CD226: variants seen among roughly 807,000 people sequenced by gnomAD.
CD226 encodes the protein CD226 molecule.
CD226 carries 24 observed loss-of-function variants against 34.9 expected under a neutral mutation model. The ratio of observed to expected loss-of-function variants is 0.69; its 90% CI spans 0.50 to 0.97. The LOEUF (loss-of-function observed/expected upper bound fraction) is 0.97, where lower values mean the gene tolerates loss of function less well. CD226 is among the 50% of genes least tolerant of loss of function. The pLI is 0.00. For missense variants in CD226, 397 were observed against 412.7 expected (o/e 0.96, Z 0.33); for synonymous variants, 148 against 147.4 (o/e 1.00, Z -0.03).
intron 2 of CD226, among the ~76,000 whole-genome samples, chr18:69,908,861 A>T (rs2055288767): frequency 6.6e-6 from 1 of 152,192 alleles, no homozygotes; most frequent in African/African-American, 2.4e-5. Flanking sequence ...ATCTTGCATC[A>T]GCTATCTCTT....
chr18:69,910,591 G>A (rs1394630972), intron 2 of CD226, among the ~76,000 whole-genome samples: 1 of 152,170 alleles, frequency 6.6e-6, no homozygotes, highest in Non-Finnish European at 1.5e-5. Context: ...TGGTGGCCTG[G>A]TGGAGGAGAC....
At chr18:69,921,302 T>A (rs1479701097) in intron 2 of CD226, among the ~76,000 whole-genome samples, 2 of 152,088 alleles carry the variant, frequency 1.3e-5, no homozygotes, top group African/African-American at 4.8e-5. Context: ...CACGCCTCCA[T>A]GCCCCGTGCA....
At chr18:69,921,103 A>C (rs1445081356) in intron 2 of CD226, among the ~76,000 whole-genome samples, 3 of 152,072 alleles carry the variant, frequency 2.0e-5, no homozygotes, top group East Asian at 3.9e-4. Context: ...CCCAAATGTA[A>C]ATCTGATCAT....
chr18:69,880,387 G>A (rs1984172308), intron 3 of CD226, among the ~76,000 whole-genome samples: 1 of 141,038 alleles, frequency 7.1e-6, no homozygotes. Context: ...GAAGGGGAAA[G>A]AAAGAAAGAA....
intron 2 of CD226, among the ~76,000 whole-genome samples, chr18:69,914,652 G>A (rs1238128140): frequency 6.6e-6 from 1 of 152,130 alleles, no homozygotes; most frequent in Non-Finnish European, 1.5e-5. Context: ...GTTGCATTCA[G>A]CTGTCATTCT....
Position 69,864,418 on chromosome 18 carries a change from G to A in CD226, c.907C>T (p.Pro303Ser). 1.9e-6 allele frequency: 3 copies of A among 1,613,418 alleles called. No individual in the cohort carries two copies. The highest frequency in any genetic ancestry group is 2.2e-5 in the East Asian group (1 of 44,816). Residue 303 changes from proline to serine, a missense_variant, in exon 6 of 6, where the codon CCC (proline) becomes TCC (serine). Transcript: ENST00000582621. The part of the protein sequence containing the change: ...TQKAPNNYRS[P>S]ISTSQPTNQS... ...TTGGTAGGTTGACTGGTAGAGATGG[G>A]ACTTCTATAGTTATTGGGTGCCTAG...
At chr18:69,958,157 A>G (rs1370317251), upstream of CD226, among the ~76,000 whole-genome samples, 1 of 152,132 alleles carries the variant, frequency 6.6e-6, no homozygotes, top group African/African-American at 2.4e-5. Context: ...TCACTGAAAT[A>G]CTTGCCACAT....
At chr18:69,923,690 A>C (rs2055482782) in intron 2 of CD226, among the ~76,000 whole-genome samples, 1 of 152,194 alleles carries the variant, frequency 6.6e-6, no homozygotes, top group Non-Finnish European at 1.5e-5. Flanking sequence ...GCGGTGGCTC[A>C]CGCCTGTAAT....
Position 69,905,432 on chromosome 18 carries a change from G to A in CD226, c.383-9387C>T, listed in dbSNP as rs114037492. ...AGCAAGGAAGATGTTTCCCACAGGAGAGTGGCCAGCAATAGACTTGCTGTG... is the reference window on the plus strand; with the variant it reads ...AGCAAGGAAGATGTTTCCCACAGGAAAGTGGCCAGCAATAGACTTGCTGTG... On this transcript the variant is annotated intron_variant, in intron 2 of 5. Transcript: ENST00000582621. 1.2e-3 allele frequency among the ~76,000 whole-genome samples: 182 copies of A among 152,306 alleles called. 1 individual carries two copies. Among genetic ancestry groups the A allele is most frequent in the African/African-American group, 3.3e-3 (137 of 41,578 alleles).
rs1468902712 is a variant in CD226, at chr18:69,863,640, A to C, written c.*674T>G. The C allele has an allele frequency of 2.0e-5, 3 of 152,112 alleles. No homozygotes were observed. Among genetic ancestry groups the C allele is most frequent in the Non-Finnish European group, 4.4e-5 (3 of 68,020 alleles). 9.4% of individuals were successfully genotyped at this position (152,112 alleles called of 1,614,324 possible). ...GTTAACAAAAATGTCTTGGTTAATC[A>C]CTGCAGTCAATATTTGTTGGTAAAC... On this transcript the variant is annotated 3_prime_UTR_variant, in exon 6 of 6. Coordinates refer to ENST00000582621, the MANE Select transcript of CD226 (RefSeq NM_001303618.2).
chr18:69,867,298 G>A (rs957117185), intron 5 of CD226, 59 bp downstream of exon 5: 2 of 1,111,516 alleles, frequency 1.8e-6, no homozygotes, highest in Middle Eastern at 2.0e-4. Context: ...CTGCAAAAGA[G>A]ACTGACTTTG....
rs1491339259 is a variant in CD226 at position 69,934,310 on chromosome 18, ACG to A, written c.382+12422_382+12423del. On this transcript the variant is annotated intron_variant, in intron 2 of 5. Coordinates refer to ENST00000582621, the MANE Select transcript of CD226 (RefSeq NM_001303618.2). ...CACACACACACACACACACACACACACGCACGCACACCCCTTCACTAAGCAAT... is the reference window on the plus strand; with the variant it reads ...CACACACACACACACACACACACACACACGCACACCCCTTCACTAAGCAAT... 2.5e-3 allele frequency among the ~76,000 whole-genome samples: 375 copies of A among 150,534 alleles called. 4 individuals are homozygous for A. The highest frequency in any genetic ancestry group is 8.8e-3 in the African/African-American group (352 of 40,034).
intron 5 of CD226, 37 bp downstream of exon 5, chr18:69,867,320 T>A (rs768702135): frequency 6.9e-7 from 1 of 1,441,058 alleles, no homozygotes; most frequent in South Asian, 1.1e-5. Flanking sequence ...ATCTGTAAAT[T>A]ACAAAAGAAA....
At chr18:69,929,147 GC>G (rs975960963) in intron 2 of CD226, among the ~76,000 whole-genome samples, 95 of 152,286 alleles carry the variant, frequency 6.2e-4, no homozygotes, top group African/African-American at 2.2e-3. Context: ...CTGCTACCCA[GC>G]CTAGAAAATG....
At chr18:69,953,201 C>T (rs1264246061) in intron 1 of CD226, among the ~76,000 whole-genome samples, 2 of 152,154 alleles carry the variant, frequency 1.3e-5, no homozygotes, top group Non-Finnish European at 2.9e-5. Flanking sequence ...CTGTATGACC[C>T]AGAAGTTTTA....
At chr18:69,888,167 TATA>T (rs1412505101) in intron 3 of CD226, among the ~76,000 whole-genome samples, 1 of 152,230 alleles carries the variant, frequency 6.6e-6, no homozygotes, top group Non-Finnish European at 1.5e-5. Context: ...CTATTAATCT[TATA>T]AGAATAACTT....
chr18:69,864,552 T>A (rs1187237064), intron 5 of CD226, 113 bp from the exon 6 acceptor site: 5 of 1,006,272 alleles, frequency 5.0e-6, no homozygotes, highest in Non-Finnish European at 7.3e-6. Context: ...CAAGTTTCCA[T>A]TATAATTAAT....
chr18:69,948,889 G>A (rs1024853554), upstream of CD226, among the ~76,000 whole-genome samples: 2 of 152,158 alleles, frequency 1.3e-5, no homozygotes, highest in African/African-American at 4.8e-5. Context: ...AATTTTAAAA[G>A]CAATTTATTG....
chr18:69,871,911 C>T (rs1402394918), intron 4 of CD226, among the ~76,000 whole-genome samples: 1 of 152,062 alleles, frequency 6.6e-6, no homozygotes, highest in African/African-American at 2.4e-5. Context: ...CCCAGGGAAA[C>T]TGGATGGGTT....
Sources: allele counts gnomAD v4.1 joint callset (sites outside exome capture counted in the v4.1 genomes callset), GRCh38; gene constraint gnomAD v4.1.1; transcripts MANE v1.5; gene names NCBI Gene and HGNC (gene_info 2026-07-23, HGNC 2026-07-21).